NAALADL2: variants seen among roughly 807,000 people sequenced by gnomAD.
NAALADL2 encodes the protein N-acetylated alpha-linked acidic dipeptidase like 2, also known as inactive N-acetylated-alpha-linked acidic dipeptidase-like protein 2.
A neutral mutation model predicts 87.2 loss-of-function variants in NAALADL2; 76 were observed. The observed-to-expected ratio is 0.87, with a 90% confidence interval of 0.72 to 1.05. NAALADL2 has a LOEUF of 1.05. Ranked by LOEUF, NAALADL2 falls within the 50% of genes least tolerant of loss-of-function variation. The pLI is 0.00. For missense variants in NAALADL2, 1,089 were observed against 945.8 expected, an observed-to-expected ratio of 1.15 and a Z score of -1.99; for synonymous variants, 354 against 331.0, an observed-to-expected ratio of 1.07 and a Z score of -0.75.
intron 2 of NAALADL2, among the ~76,000 whole-genome samples, chr3:174,656,589 T>A (rs1297117137): frequency 6.6e-6 from 1 of 152,214 alleles, no homozygotes; most frequent in African/African-American, 2.4e-5. Context: ...TTTTTCACCA[T>A]TACTTTTTTT....
chr3:174,816,296 A>C (rs1199714379), intron 3 of NAALADL2, among the ~76,000 whole-genome samples: 1 of 150,850 alleles, frequency 6.6e-6, no homozygotes, highest in Non-Finnish European at 1.5e-5. Flanking sequence ...CAGATAGTCT[A>C]TATAGTCTCT....
intron 1 of NAALADL2, among the ~76,000 whole-genome samples, chr3:174,963,528 C>T (rs1742431101): frequency 6.6e-6 from 1 of 152,110 alleles, no homozygotes; most frequent in Non-Finnish European, 1.5e-5. Context: ...AATACTGTGA[C>T]TCTGCGGAAT....
intron 1 of NAALADL2, among the ~76,000 whole-genome samples, chr3:174,979,375 G>C (rs1579834833): frequency 7.3e-6 from 1 of 136,074 alleles, no homozygotes; most frequent in South Asian, 2.2e-4. Flanking sequence ...GCACAGTCTC[G>C]GCTCACTGCA....
chr3:175,161,983 G>C (rs987618930), intron 2 of NAALADL2, among the ~76,000 whole-genome samples: 4 of 151,878 alleles, frequency 2.6e-5, no homozygotes, highest in Non-Finnish European at 5.9e-5. Flanking sequence ...ACTTTCTTTC[G>C]GAAACCTGTC....
intron 2 of NAALADL2, among the ~76,000 whole-genome samples, chr3:174,710,564 C>A (rs1730531185): frequency 6.6e-6 from 1 of 152,036 alleles, no homozygotes; most frequent in Admixed American, 6.5e-5. Flanking sequence ...CTCATATGAG[C>A]CTTTTAAAAT....
In NAALADL2 at chr3:175,000,583, C is replaced by G. The variant is rs1428014486; in HGVS notation, c.44-96207C>G. Among the ~76,000 whole-genome samples the G allele has an allele frequency of 3.3e-5, 5 of 152,166 alleles. No homozygotes were observed. In the East Asian group the frequency reaches 9.6e-4, roughly 29 times the overall value. On this transcript the variant is annotated intron_variant, in intron 1 of 13. Coordinates refer to ENST00000454872, the MANE Select transcript of NAALADL2 (RefSeq NM_207015.3). ...TGGACCTTTAACCTATTTACCCTTTCCATCACACATACTTTATTCTTTCTT... is the reference window on the plus strand; with the variant it reads ...TGGACCTTTAACCTATTTACCCTTTGCATCACACATACTTTATTCTTTCTT...
intron 2 of NAALADL2, among the ~76,000 whole-genome samples, chr3:174,694,392 G>A (rs145899334): frequency 6.6e-6 from 1 of 152,120 alleles, no homozygotes; most frequent in African/African-American, 2.4e-5. Context: ...TAATGGATAT[G>A]TATCTTTGCA....
chr3:174,901,845 C>T (rs1732347083), intron 1 of NAALADL2, among the ~76,000 whole-genome samples: 1 of 152,108 alleles, frequency 6.6e-6, no homozygotes, highest in Admixed American at 6.6e-5. Context: ...CATTTTTGCA[C>T]ATATATGCAT....
At chr3:174,834,540 T>C (rs1723113597) in intron 3 of NAALADL2, among the ~76,000 whole-genome samples, 1 of 151,992 alleles carries the variant, frequency 6.6e-6, no homozygotes. Context: ...TGTTCCAATA[T>C]GTAGAAAGTC....
At chr3:175,041,382 G>C in intron 1 of NAALADL2, among the ~76,000 whole-genome samples, 1 of 152,062 alleles carries the variant, frequency 6.6e-6, no homozygotes, top group Admixed American at 6.6e-5. Context: ...TTGAAGTTTT[G>C]CTCACAGCAC....
At chr3:175,370,860 A>G (rs565158617) in intron 5 of NAALADL2, among the ~76,000 whole-genome samples, 2 of 152,330 alleles carry the variant, frequency 1.3e-5, no homozygotes, top group East Asian at 3.9e-4. Context: ...GGAGGCTTTC[A>G]GAGCATAAAG....
At chr3:175,800,200 G>A (rs146656819) in intron 13 of NAALADL2, among the ~76,000 whole-genome samples, 185 of 152,118 alleles carry the variant, frequency 1.2e-3, no homozygotes, top group African/African-American at 4.3e-3. Context: ...AGTGCCAGAG[G>A]CAGTTCTATC....
At chr3:175,737,533 G>A (rs1744657578) in intron 12 of NAALADL2, 134 bp downstream of exon 12, 1 of 584,036 alleles carries the variant, frequency 1.7e-6, no homozygotes, top group East Asian at 3.0e-5. Context: ...GCTGATCCTG[G>A]GAAGGACCTG....
At chr3:174,489,825 GAGAAATGGGAAT>G (rs1206046269) in intron 1 of NAALADL2, among the ~76,000 whole-genome samples, 2 of 152,018 alleles carry the variant, frequency 1.3e-5, no homozygotes, top group African/African-American at 4.8e-5. Flanking sequence ...TGAAGTTGTA[GAGAAATGGGAAT>G]CCTTATATGT....
chr3:174,605,517 C>G (rs1435281974), intron 2 of NAALADL2, among the ~76,000 whole-genome samples: 1 of 151,974 alleles, frequency 6.6e-6, no homozygotes, highest in Non-Finnish European at 1.5e-5. Context: ...GAGATTATAT[C>G]CTGCACCTGG....
intron 5 of NAALADL2, among the ~76,000 whole-genome samples, chr3:175,433,145 A>G (rs1718044645): frequency 6.6e-6 from 1 of 152,036 alleles, no homozygotes; most frequent in Admixed American, 6.6e-5. Flanking sequence ...CCACAAATAT[A>G]CAATCAAATA....
At chr3:174,783,572 A>G (rs527920754) in intron 3 of NAALADL2, among the ~76,000 whole-genome samples, 6 of 152,262 alleles carry the variant, frequency 3.9e-5, no homozygotes, top group African/African-American at 1.4e-4. Flanking sequence ...TTGTAGGCCA[A>G]ATTTAGCCCA....
intron 2 of NAALADL2, among the ~76,000 whole-genome samples, chr3:175,131,195 C>G (rs190702157): frequency 2.1e-5 from 3 of 142,328 alleles, no homozygotes; most frequent in Non-Finnish European, 3.0e-5. Flanking sequence ...GGGTGTTTCT[C>G]GCAGAGGGGG....
intron 12 of NAALADL2, among the ~76,000 whole-genome samples, chr3:175,743,839 T>A (rs977579537): frequency 1.3e-5 from 2 of 152,034 alleles, no homozygotes; most frequent in Admixed American, 6.5e-5. Flanking sequence ...ACCATGAGAG[T>A]GTGGCACATG....
Sources: allele counts gnomAD v4.1 joint callset (sites outside exome capture counted in the v4.1 genomes callset), GRCh38; gene constraint gnomAD v4.1.1; transcripts MANE v1.5; gene names NCBI Gene and HGNC (gene_info 2026-07-23, HGNC 2026-07-21).